The following ETFDH variants were observed in gnomAD, a reference collection of about 807,000 sequenced individuals.
The protein encoded by ETFDH is electron transfer flavoprotein dehydrogenase.
Under a neutral mutation model 73.2 loss-of-function variants are expected in ETFDH, and 61 were observed. The observed-to-expected ratio is 0.83, with a 90% CI of 0.68 to 1.03. The LOEUF (loss-of-function observed/expected upper bound fraction) is 1.03. ETFDH is among the 50% of genes least tolerant of loss of function. The pLI is 0.00. For missense variants in ETFDH, 685 were observed against 745.0 expected (o/e 0.92, Z 0.94); for synonymous variants, 243 against 253.3 (o/e 0.96, Z 0.39).
intron 6 of ETFDH, among the ~76,000 whole-genome samples, chr4:158,693,311 C>T (rs147688346): frequency 2.5e-4 from 38 of 152,258 alleles, no homozygotes; most frequent in African/African-American, 8.9e-4. Context: ...ACAGCCTTCT[C>T]TTGGTTCCTA....
At chr4:158,691,315 C>T (rs893211260) in intron 6 of ETFDH, among the ~76,000 whole-genome samples, 36 of 151,914 alleles carry the variant, frequency 2.4e-4, no homozygotes, top group African/African-American at 2.9e-4. Context: ...TATACTTTGA[C>T]ATGTTTGTTT....
chr4:158,691,017 G>A (rs1183341661), intron 6 of ETFDH, among the ~76,000 whole-genome samples: 2 of 152,128 alleles, frequency 1.3e-5, no homozygotes, highest in African/African-American at 4.8e-5. Context: ...GTTTAGGCAA[G>A]TAGTTATAAT....
chr4:158,688,266 C>T (rs1774060494), intron 5 of ETFDH, among the ~76,000 whole-genome samples: 1 of 151,462 alleles, frequency 6.6e-6, no homozygotes, highest in Non-Finnish European at 1.5e-5. Flanking sequence ...GTGGCAGGCG[C>T]CTGTAGTCCC....
At chr4:158,700,137 G>A (rs930493540) in intron 9 of ETFDH, among the ~76,000 whole-genome samples, 1 of 152,050 alleles carries the variant, frequency 6.6e-6, no homozygotes. Context: ...AATTTGGGGA[G>A]GAGAAATTGC....
At chr4:158,697,754 G>A (rs1357326777) in intron 8 of ETFDH, 55 bp downstream of exon 8, 1 of 1,496,452 alleles carries the variant, frequency 6.7e-7, no homozygotes, top group Admixed American at 1.7e-5. Context: ...ATTACCATCA[G>A]TGTTATAAAA....
chr4:158,690,524 A>G, intron 6 of ETFDH, 99 bp downstream of exon 6: 1 of 829,442 alleles, frequency 1.2e-6, no homozygotes, highest in Non-Finnish European at 2.1e-6. Flanking sequence ...AAAAAAGAAA[A>G]CAAAATTAGC....
rs1210814023 is a variant in ETFDH at position 158,702,092 on chromosome 4, AG to A, written c.1117-1328del. Among the ~76,000 whole-genome samples, 5 of 152,218 alleles carry A rather than the reference AG, an allele frequency of 3.3e-5. No individual in the cohort carries two copies. The South Asian group carries it at 1.0e-3, about 32-fold the overall frequency. On this transcript the variant is annotated intron_variant, in intron 9 of 12. Coordinates refer to ENST00000511912, the MANE Select transcript of ETFDH (RefSeq NM_004453.4). ...CCCTAGCTGTCAAAGTAAAATAAAG[AG>A]GGTGTATAGTATCCTTTGTAAGTCT...
At position 158,697,654 on chromosome 4, in the gene ETFDH, C is replaced by G. The variant is rs776728739; in HGVS notation, c.927C>G (p.Leu309=). The change falls in exon 8 of 13, where the codon CTC becomes CTG. Residue 309 remains leucine, a synonymous_variant. Coordinates refer to ENST00000511912, the MANE Select transcript of ETFDH (RefSeq NM_004453.4). ...GACATACCTATGGAGGATCTTTCCT[C>G]TATCATTTGAATGAAGGTGAACCCC... ...LDRHTYGGSF[L]YHLNEGEPLV... 1.2e-6 allele frequency: 2 copies of G among 1,613,306 alleles called. No individual in the cohort carries two copies. Among genetic ancestry groups the G allele is most frequent in the Non-Finnish European group, 1.7e-6 (2 of 1,179,662 alleles).
chr4:158,685,170 A>G lies in ETFDH; in HGVS notation c.557A>G (p.Gln186Arg). 6.2e-7 allele frequency: 1 copy of G among 1,613,000 alleles called. No homozygotes were observed. Among genetic ancestry groups the G allele is most frequent in the Non-Finnish European group, 8.5e-7 (1 of 1,179,090 alleles). ...LGHLVSWMGE[Q>R]AEALGVEVYP... ...CATTTAGTGAGCTGGATGGGCGAAC[A>G]AGCAGAAGCCCTTGGTGTTGAAGTA... The change falls in exon 5 of 13, where the codon CAA becomes CGA. Residue 186 changes from glutamine to arginine, a missense_variant. Coordinates refer to ENST00000511912, the MANE Select transcript of ETFDH (RefSeq NM_004453.4).
intron 6 of ETFDH, among the ~76,000 whole-genome samples, chr4:158,692,669 AT>A (rs1447380341): frequency 6.6e-6 from 1 of 150,924 alleles, no homozygotes; most frequent in Non-Finnish European, 1.5e-5. Context: ...TATAAATTAT[AT>A]TTTAGTCTAA....
chr4:158,692,126 G>A (rs547043442), intron 6 of ETFDH, among the ~76,000 whole-genome samples: 1 of 152,174 alleles, frequency 6.6e-6, no homozygotes, highest in African/African-American at 2.4e-5. Flanking sequence ...CGTCGCAGTG[G>A]CTCACGCCTG....
chr4:158,689,512 G>A (rs1275091329), intron 5 of ETFDH, among the ~76,000 whole-genome samples: 1 of 147,436 alleles, frequency 6.8e-6, no homozygotes, highest in Non-Finnish European at 1.5e-5. Flanking sequence ...TTTTTTGAGG[G>A]TACACTGAGC....
intron 1 of ETFDH, among the ~76,000 whole-genome samples, chr4:158,673,067 G>A (rs1350781295): frequency 6.6e-6 from 1 of 152,224 alleles, no homozygotes; most frequent in Non-Finnish European, 1.5e-5. Context: ...ACTCTGGGAG[G>A]CTGAGGCGGA....
intron 12 of ETFDH, 71 bp from the exon 13 acceptor site, chr4:158,708,293 T>TAA: frequency 8.4e-7 from 1 of 1,190,866 alleles, no homozygotes; most frequent in Non-Finnish European, 1.2e-6. Context: ...ACTCTTTCCT[T>TAA]AATTTTTACT....
rs1278204355 is a variant in ETFDH at position 158,684,675 on chromosome 4, TAAGGTATAGTGA to T, written c.487+4_487+15del. The T allele has an allele frequency of 5.5e-6, 8 of 1,463,608 alleles. No individual in the cohort carries two copies. The highest frequency in any genetic ancestry group is 7.7e-6 in the Non-Finnish European group (8 of 1,042,798). 90.7% of individuals were successfully genotyped at this position (1,463,608 alleles called of 1,614,324 possible). A position where few individuals can be genotyped will look rare whatever the true frequency, so the allele number is the denominator to read the frequency against. On this transcript the variant is annotated splice_donor_5th_base_variant and intron_variant, in intron 4 of 12. Coordinates refer to ENST00000511912, the MANE Select transcript of ETFDH (RefSeq NM_004453.4). ...GAATTCCTGTGCCAATTCTTCCAGGTAAGGTATAGTGAATATGCATAGAACTATGGAATTCCA... is the reference window on the plus strand; with the variant it reads ...GAATTCCTGTGCCAATTCTTCCAGGTATATGCATAGAACTATGGAATTCCA...
At chr4:158,700,313 T>C (rs1183387904) in intron 9 of ETFDH, among the ~76,000 whole-genome samples, 2 of 151,780 alleles carry the variant, frequency 1.3e-5, no homozygotes, top group Non-Finnish European at 2.9e-5. Flanking sequence ...GTTTCTAGAG[T>C]AGTAATTCCT....
chr4:158,705,113 C>T (rs1774572463), intron 10 of ETFDH, among the ~76,000 whole-genome samples: 1 of 152,172 alleles, frequency 6.6e-6, no homozygotes, highest in Non-Finnish European at 1.5e-5. Context: ...AAAAAGTAGT[C>T]ATGTGGAGTC....
chr4:158,686,709 T>C (rs1774014326), intron 5 of ETFDH, among the ~76,000 whole-genome samples: 1 of 152,214 alleles, frequency 6.6e-6, no homozygotes. Flanking sequence ...AATCCTGGTT[T>C]CTATGACTTG....
In ETFDH at chr4:158,702,422, A is replaced by G. The variant is rs535857998; in HGVS notation, c.1117-1001A>G. 1.8e-3 allele frequency among the ~76,000 whole-genome samples: 277 copies of G among 152,194 alleles called. 1 individual carries two copies. The highest frequency in any genetic ancestry group is 6.3e-3 in the African/African-American group (260 of 41,518). On this transcript the variant is annotated intron_variant, in intron 9 of 12. Transcript: ENST00000511912. Reference sequence around the variant, plus strand: ...GAACTTATTCCTCCTATTTAGCTGTATTTCTGTATACATTAACCAATCTCC... The same window carrying G: ...GAACTTATTCCTCCTATTTAGCTGTGTTTCTGTATACATTAACCAATCTCC...
Sources: allele counts gnomAD v4.1 joint callset (sites outside exome capture counted in the v4.1 genomes callset), GRCh38; gene constraint gnomAD v4.1.1; transcripts MANE v1.5; gene names NCBI Gene and HGNC (gene_info 2026-07-23, HGNC 2026-07-21).